Variants in CRACDL observed in about 807,000 individuals in gnomAD.
CRACDL encodes the protein CRACD like.
Under a neutral mutation model 70.6 loss-of-function variants are expected in CRACDL, and 26 were observed. The ratio of observed to expected loss-of-function variants is 0.37; its 90% CI spans 0.27 to 0.51. CRACDL has a LOEUF of 0.51. CRACDL is among the 20% of genes least tolerant of loss of function. The probability of loss-of-function intolerance (pLI) is 0.94; values close to 1 mark genes in which losing one functional copy is unlikely to be tolerated. For missense variants in CRACDL, 1,283 were observed against 1,376.9 expected, an observed-to-expected ratio of 0.93 and a Z score of 1.08; for synonymous variants, 618 against 615.2, an observed-to-expected ratio of 1.00 and a Z score of -0.07.
chr2:98,876,993 T>C (rs1465964050), intron 1 of CRACDL, among the ~76,000 whole-genome samples: 1 of 152,210 alleles, frequency 6.6e-6, no homozygotes, highest in Non-Finnish European at 1.5e-5. Flanking sequence ...AAAGCAAAAA[T>C]GCAACACCGG....
intron 1 of CRACDL, among the ~76,000 whole-genome samples, chr2:98,903,486 T>C (rs1708333626): frequency 6.6e-6 from 1 of 152,158 alleles, no homozygotes; most frequent in Non-Finnish European, 1.5e-5. Context: ...AGGAGTCCTC[T>C]AACTGTTTCT....
In CRACDL at chr2:98,823,511, G is replaced by A; in HGVS notation, c.762C>T (p.Asp254=). 6.3e-7 allele frequency: 1 copy of A among 1,590,760 alleles called. No homozygotes were observed. Among genetic ancestry groups the A allele is most frequent in the Non-Finnish European group, 8.5e-7 (1 of 1,176,160 alleles). ...SSRAQSESLS[D]LTCTPEEEEN... Reference sequence around the variant, plus strand: ...CCTCCTCCTCTGGGGTGCACGTCAGGTCGCTCAGGGATTCAGACTGAGCGC... The same window carrying A: ...CCTCCTCCTCTGGGGTGCACGTCAGATCGCTCAGGGATTCAGACTGAGCGC... Residue 254 remains aspartate (D), a synonymous_variant, in exon 7 of 10, where the codon GAC becomes GAT. Transcript: ENST00000397899. The surrounding 1 kb of genome is among the most constrained non-coding windows in gnomAD (Gnocchi z 4.0).
chr2:98,923,220 G>A (rs1009629214), intron 1 of CRACDL, among the ~76,000 whole-genome samples: 3 of 149,538 alleles, frequency 2.0e-5, no homozygotes, highest in South Asian at 2.1e-4. Flanking sequence ...GCAGTGAGCC[G>A]AGATCATGAC....
chr2:98,849,577 AG>A (rs1442518168), intron 1 of CRACDL, among the ~76,000 whole-genome samples: 9 of 151,386 alleles, frequency 5.9e-5, no homozygotes, highest in Non-Finnish European at 1.2e-4. Flanking sequence ...AGGGCCGGGG[AG>A]GGGGGAGCAT....
rs746372094 is a variant in CRACDL at position 98,833,009 on chromosome 2, G to A, written c.240-12C>T. 4 of 1,604,270 alleles carry A rather than the reference G, an allele frequency of 2.5e-6. No individual in the cohort carries two copies. Among genetic ancestry groups the A allele is most frequent in the Admixed American group, 1.7e-5 (1 of 58,050 alleles). The stretch of plus-strand genomic sequence containing the variant: ...TGCCCCTCGACTCCCTAGGATAAAA[G>A]AGCCACTGTGAGACTCTGCCCACCT... On this transcript the variant is annotated splice_polypyrimidine_tract_variant and intron_variant, in intron 3 of 9. Transcript: ENST00000397899.
At position 98,885,112 on chromosome 2, in the gene CRACDL, C is replaced by T. The variant is rs77824151; in HGVS notation, c.-10-38302G>A. On this transcript the variant is annotated intron_variant, in intron 1 of 9. Transcript: ENST00000397899. ...TATCTATGGCAATTAGGCATCTGTA[C>T]CATGGGACCATCAGAAGAAGTCGAA... 3.9e-4 allele frequency among the ~76,000 whole-genome samples: 59 copies of T among 152,234 alleles called. No homozygotes were observed. In the East Asian group the frequency reaches 7.9e-3, roughly 20 times the overall value.
intron 1 of CRACDL, among the ~76,000 whole-genome samples, chr2:98,854,761 C>T (rs536824736): frequency 7.3e-4 from 111 of 152,220 alleles, no homozygotes; most frequent in African/African-American, 2.5e-3. Flanking sequence ...AAATGAGAGA[C>T]ATTCTGTAAA....
chr2:98,864,379 T>C (rs940455976), intron 1 of CRACDL, among the ~76,000 whole-genome samples: 1 of 149,592 alleles, frequency 6.7e-6, no homozygotes, highest in Non-Finnish European at 1.5e-5. Flanking sequence ...AGACACAGAG[T>C]AGATTAGTGG....
chr2:98,934,194 CCTT>C (rs1260726976), intron 1 of CRACDL, among the ~76,000 whole-genome samples: 1 of 121,870 alleles, frequency 8.2e-6, no homozygotes. Flanking sequence ...CAAGATTCAT[CCTT>C]TTTTTTTTTT....
chr2:98,826,827 C>T (rs1314937387), intron 6 of CRACDL, 148 bp downstream of exon 6: 11 of 580,090 alleles, frequency 1.9e-5, no homozygotes, highest in Non-Finnish European at 3.1e-5. Context: ...TGAGCAACTT[C>T]AGCTCCTGCA....
intron 7 of CRACDL, among the ~76,000 whole-genome samples, chr2:98,802,557 G>A (rs942065248): frequency 2.0e-5 from 3 of 151,608 alleles, no homozygotes; most frequent in Non-Finnish European, 2.9e-5. Flanking sequence ...GTTCAACTAC[G>A]CCTACGTGGG....
chr2:98,932,262 T>C (rs1709097080), intron 1 of CRACDL, among the ~76,000 whole-genome samples: 1 of 152,136 alleles, frequency 6.6e-6, no homozygotes, highest in African/African-American at 2.4e-5. Context: ...GGCCGGCCTG[T>C]CTCCCTTTCA....
intron 7 of CRACDL, among the ~76,000 whole-genome samples, chr2:98,806,898 C>T (rs898011320): frequency 5.3e-5 from 8 of 152,130 alleles, no homozygotes. Flanking sequence ...GTAAGTAATC[C>T]ATTCCAGGGG....
intron 1 of CRACDL, among the ~76,000 whole-genome samples, chr2:98,872,965 A>C (rs1289862452): frequency 6.6e-6 from 1 of 152,234 alleles, no homozygotes; most frequent in East Asian, 1.9e-4. Context: ...CATTTTGTTC[A>C]TAATTAGAAG....
At chr2:98,819,984 T>C (rs1704956188) in intron 7 of CRACDL, among the ~76,000 whole-genome samples, 1 of 151,668 alleles carries the variant, frequency 6.6e-6, no homozygotes, top group Non-Finnish European at 1.5e-5. Context: ...CATGCCTGGC[T>C]AATTTTTGTA....
intron 1 of CRACDL, among the ~76,000 whole-genome samples, chr2:98,898,323 G>A (rs565571674): frequency 1.3e-5 from 2 of 152,372 alleles, no homozygotes; most frequent in East Asian, 1.9e-4. Flanking sequence ...AGGTCACCTC[G>A]CTAAGAGCGT....
At chr2:98,881,876 G>A (rs1707661884) in intron 1 of CRACDL, among the ~76,000 whole-genome samples, 1 of 152,198 alleles carries the variant, frequency 6.6e-6, no homozygotes, top group Non-Finnish European at 1.5e-5. Context: ...ACAGGCTTAA[G>A]GCAGCCCAGG....
chr2:98,911,894 T>A (rs960104712), intron 1 of CRACDL, among the ~76,000 whole-genome samples: 11 of 152,188 alleles, frequency 7.2e-5, no homozygotes, highest in African/African-American at 2.4e-4. Flanking sequence ...AAAGGTAACA[T>A]GATGTGCCCA....
chr2:98,890,874 C>T (rs753824125), intron 1 of CRACDL, among the ~76,000 whole-genome samples: 12 of 151,154 alleles, frequency 7.9e-5, no homozygotes, highest in South Asian at 2.1e-4. Flanking sequence ...CTCGTCAACA[C>T]GGTGAAACCC....
Sources: allele counts gnomAD v4.1 joint callset (sites outside exome capture counted in the v4.1 genomes callset), GRCh38; gene constraint gnomAD v4.1.1; non-coding constraint Gnocchi (gnomAD v3.1); transcripts MANE v1.5; gene names NCBI Gene and HGNC (gene_info 2026-07-23, HGNC 2026-07-21).